The following EXOC6 variants were observed in gnomAD, a reference collection of about 807,000 sequenced individuals.
EXOC6 encodes the protein SEC15-like 1.
In EXOC6, 60 loss-of-function variants were observed where a neutral mutation model predicts 112.5. The ratio of observed to expected loss-of-function variants is 0.53; its 90% CI spans 0.43 to 0.66. The LOEUF (loss-of-function observed/expected upper bound fraction) is 0.66, where lower values mean the gene tolerates loss of function less well. Among genes scored for constraint, EXOC6 ranks in the 30% least tolerant of loss-of-function variants. The pLI, the probability that EXOC6 is intolerant of heterozygous loss-of-function variation, is 0.00. For synonymous variants in EXOC6, 295 were observed against 308.0 expected (o/e 0.96, Z 0.44); for missense variants, 855 against 957.1 (o/e 0.89, Z 1.41).
At chr10:92,963,207 T>G (rs2134047462) in intron 17 of EXOC6, among the ~76,000 whole-genome samples, 1 of 152,348 alleles carries the variant, frequency 6.6e-6, no homozygotes, top group Non-Finnish European at 1.5e-5. Context: ...TTTACATGTG[T>G]TTTGAATGTA....
At chr10:92,906,821 A>G (rs1280422781) in intron 5 of EXOC6, among the ~76,000 whole-genome samples, 1 of 152,148 alleles carries the variant, frequency 6.6e-6, no homozygotes, top group South Asian at 2.1e-4. Context: ...TTACAACATG[A>G]TAGCATCAGA....
chr10:93,006,571 C>A (rs998054917), intron 19 of EXOC6, among the ~76,000 whole-genome samples: 13 of 152,186 alleles, frequency 8.5e-5, no homozygotes, highest in Non-Finnish European at 1.8e-4. Flanking sequence ...GCAGAAAATA[C>A]ATCTAAAAGC....
Position 92,951,960 on chromosome 10 carries a change from C to T in EXOC6, c.1417-313C>T, listed in dbSNP as rs3814687. ...TATGATAAATACACAAAGAAGCAGA[C>T]AGCCTAGGCATTGCCTACAGACAGA... On this transcript the variant is annotated intron_variant, in intron 14 of 21. Coordinates refer to ENST00000260762, the MANE Select transcript of EXOC6 (RefSeq NM_019053.6). 4.4e-3 allele frequency among the ~76,000 whole-genome samples: 669 copies of T among 152,270 alleles called. 9 individuals are homozygous for T. The highest frequency in any genetic ancestry group is 0.025 in the East Asian group (127 of 5,174).
chr10:93,028,524 A>G (rs1845123490), intron 20 of EXOC6, among the ~76,000 whole-genome samples: 1 of 152,108 alleles, frequency 6.6e-6, no homozygotes, highest in African/African-American at 2.4e-5. Flanking sequence ...ACCCCTGGTG[A>G]AGAGGCTGTT....
At chr10:92,888,847 T>C (rs1309966247) in intron 1 of EXOC6, among the ~76,000 whole-genome samples, 1 of 152,224 alleles carries the variant, frequency 6.6e-6, no homozygotes, top group African/African-American at 2.4e-5. Context: ...TTAATAGTTC[T>C]TGTTATATAT....
At chr10:92,874,556 A>G (rs545277060) in intron 1 of EXOC6, among the ~76,000 whole-genome samples, 1 of 151,416 alleles carries the variant, frequency 6.6e-6, no homozygotes, top group South Asian at 2.1e-4. Context: ...ATTGTAAGAA[A>G]TGTGTGTGTG....
intron 20 of EXOC6, among the ~76,000 whole-genome samples, chr10:93,056,007 A>ACC (rs1193300742): frequency 1.3e-5 from 2 of 152,160 alleles, no homozygotes; most frequent in Non-Finnish European, 2.9e-5. Context: ...AACCAGTAAG[A>ACC]CCCCTTACTT....
intron 1 of EXOC6, among the ~76,000 whole-genome samples, chr10:92,874,250 G>A (rs1343270849): frequency 2.3e-4 from 35 of 151,998 alleles, no homozygotes; most frequent in Non-Finnish European, 1.5e-5. Flanking sequence ...AATATTGTTG[G>A]TGTTGTGAAA....
chr10:92,860,631 C>T (rs1287252860), intron 1 of EXOC6, among the ~76,000 whole-genome samples: 4 of 152,160 alleles, frequency 2.6e-5, no homozygotes, highest in African/African-American at 7.2e-5. Flanking sequence ...CAGTTTTCAC[C>T]AGCCCTTGGC....
At chr10:93,044,384 A>G (rs752550489) in intron 20 of EXOC6, among the ~76,000 whole-genome samples, 11 of 152,312 alleles carry the variant, frequency 7.2e-5, no homozygotes, top group Admixed American at 5.2e-4. Flanking sequence ...AAGATTATAA[A>G]ATATAAGATT....
At chr10:92,923,981 C>T (rs1851577206) in intron 8 of EXOC6, among the ~76,000 whole-genome samples, 2 of 152,140 alleles carry the variant, frequency 1.3e-5, no homozygotes. Flanking sequence ...GGAGTTCCTT[C>T]CTTTCCATTT....
chr10:93,026,354 T>C (rs752402252), intron 20 of EXOC6, among the ~76,000 whole-genome samples: 6 of 152,234 alleles, frequency 3.9e-5, no homozygotes, highest in Non-Finnish European at 8.8e-5. Context: ...GCCATCAGTG[T>C]AGAGAAGTTC....
intron 20 of EXOC6, among the ~76,000 whole-genome samples, chr10:93,040,521 A>G (rs935795365): frequency 1.3e-5 from 2 of 152,226 alleles, no homozygotes; most frequent in African/African-American, 4.8e-5. Context: ...TGCTGGGATT[A>G]CAGGCGTGAG....
In EXOC6 at chr10:92,864,860, C is replaced by T. The variant is rs188898550; in HGVS notation, c.101+16226C>T. On this transcript the variant is annotated intron_variant, in intron 1 of 21. Coordinates refer to ENST00000260762, the MANE Select transcript of EXOC6 (RefSeq NM_019053.6). Reference sequence around the variant, plus strand: ...CTTTCCTGGTTCTCCAGCTTGCAGACGGCATGTTATGGTACAACTTGGCTT... The same window carrying T: ...CTTTCCTGGTTCTCCAGCTTGCAGATGGCATGTTATGGTACAACTTGGCTT... Among the ~76,000 whole-genome samples, 30 of 152,208 alleles carry T rather than the reference C, an allele frequency of 2.0e-4. 1 individual carries two copies. The East Asian group carries it at 3.7e-3, about 19-fold the overall frequency.
At chr10:92,960,172 T>C (rs1853906805) in intron 17 of EXOC6, among the ~76,000 whole-genome samples, 1 of 152,190 alleles carries the variant, frequency 6.6e-6, no homozygotes, top group Non-Finnish European at 1.5e-5. Flanking sequence ...TGGAATATTA[T>C]TAAGTACTAA....
chr10:92,896,141 GTATGTGTATATATATATA>G lies in EXOC6; in HGVS notation c.412+1125_412+1142del, dbSNP rs1471970487. 3.2e-3 allele frequency among the ~76,000 whole-genome samples: 107 copies of G among 33,678 alleles called. 2 individuals carry two copies. The highest frequency in any genetic ancestry group is 0.015 in the African/African-American group (106 of 7,192). The allele number at this position is 33,678 out of a possible 152,430, so 22.1% of individuals were successfully genotyped here. A position where few individuals can be genotyped will look rare whatever the true frequency, so the allele number is the denominator to read the frequency against. On this transcript the variant is annotated intron_variant, in intron 4 of 21. Coordinates refer to ENST00000260762, the MANE Select transcript of EXOC6 (RefSeq NM_019053.6). ...TATATGTGTGTGTGTGTGTGTGTATGTATGTGTATATATATATATATATATATATATATATATATATTT... is the reference window on the plus strand; with the variant it reads ...TATATGTGTGTGTGTGTGTGTGTATGTATATATATATATATATATATATTT...
rs1272408888 is a variant in EXOC6 at position 92,875,191 on chromosome 10, A to G, written c.102-18158A>G. On this transcript the variant is annotated intron_variant, in intron 1 of 21. Coordinates refer to ENST00000260762, the MANE Select transcript of EXOC6 (RefSeq NM_019053.6). ...CCCAGTAACAACAGATATCTTTCAT[A>G]TCAGTTAAACTGTTTGAATTATGCA... is the stretch of plus-strand genomic sequence containing the variant. Among the ~76,000 whole-genome samples the G allele has an allele frequency of 2.6e-5, 4 of 152,214 alleles. No individual in the cohort carries two copies. The East Asian group carries it at 7.7e-4, about 29-fold the overall frequency.
chr10:92,862,504 G>A (rs1847959839), intron 1 of EXOC6, among the ~76,000 whole-genome samples: 1 of 152,158 alleles, frequency 6.6e-6, no homozygotes, highest in South Asian at 2.1e-4. Context: ...TCCACCATGT[G>A]AGGATGCAGT....
chr10:93,032,965 T>C (rs1262864666), intron 20 of EXOC6, among the ~76,000 whole-genome samples: 1 of 152,038 alleles, frequency 6.6e-6, no homozygotes, highest in East Asian at 1.9e-4. Flanking sequence ...AGCAAAGTCC[T>C]AAGGTGCTGT....
Sources: allele counts gnomAD v4.1 joint callset (sites outside exome capture counted in the v4.1 genomes callset), GRCh38; gene constraint gnomAD v4.1.1; transcripts MANE v1.5; gene names NCBI Gene and HGNC (gene_info 2026-07-23, HGNC 2026-07-21).